GUK1: variants seen among roughly 807,000 people sequenced by gnomAD.
GUK1 encodes guanylate kinase.
GUK1 carries 18 observed loss-of-function variants against 25.2 expected under a neutral mutation model. The ratio of observed to expected loss-of-function variants is 0.71; its 90% CI spans 0.49 to 1.06. GUK1 has a LOEUF of 1.06. Among genes scored for constraint, GUK1 ranks in the 50% least tolerant of loss-of-function variants. The probability of loss-of-function intolerance (pLI) is 0.00; values close to 1 mark genes in which losing one functional copy is unlikely to be tolerated. For synonymous variants in GUK1, 105 were observed against 117.6 expected (o/e 0.89, Z 0.69); for missense variants, 261 against 276.7 (o/e 0.94, Z 0.40).
At chr1:228,147,325 C>A in intron 5 of GUK1, 81 bp from the exon 5 acceptor site, 1 of 1,382,490 alleles carries the variant, frequency 7.2e-7, no homozygotes, top group Non-Finnish European at 9.9e-7. Flanking sequence ...ACGCTGGGCC[C>A]GGGAGGGCCT....
rs373131691 is a variant in GUK1, at chr1:228,146,074, G to C, written c.154+7G>C. 2.1e-5 allele frequency: 33 copies of C among 1,602,344 alleles called. No homozygotes were observed. Among genetic ancestry groups the C allele is most frequent in the Non-Finnish European group, 2.7e-5 (32 of 1,169,666 alleles). On this transcript the variant is annotated splice_region_variant and intron_variant, in intron 4 of 8. Coordinates refer to ENST00000312726, the MANE Select transcript of GUK1 (RefSeq NM_000858.7). ...GGCGAGGAGAACGGCAAAGGTGAGT[G>C]GGGTGGGGCCCTATGGCTGGAGCAC...
intron 1 of GUK1, 150 bp downstream of exon 1, chr1:228,140,513 G>C: frequency 3.1e-6 from 2 of 646,658 alleles, no homozygotes. Flanking sequence ...TGAGAACGGG[G>C]GAGCTCTGGA....
In GUK1 at chr1:228,146,929, A is replaced by T. The variant is rs1172468423; in HGVS notation, c.242A>T (p.Tyr81Phe). ...CATGCCGAGTTCTCGGGGAACCTGT[A>T]TGGCACGAGGTGGGCCATGCGTGGG... The change falls in exon 5 of 9, where the codon TAT (tyrosine) becomes TTT (phenylalanine). Residue 81 changes from tyrosine (Y) to phenylalanine (F), a missense_variant. Coordinates refer to ENST00000312726, the MANE Select transcript of GUK1 (RefSeq NM_000858.7). The T allele has an allele frequency of 1.9e-6, 3 of 1,611,968 alleles. No homozygotes were observed. Among genetic ancestry groups the T allele is most frequent in the African/African-American group, 1.3e-5 (1 of 74,878 alleles).
chr1:228,141,325 GT>G (rs1379106178), intron 2 of GUK1: 3 of 945,706 alleles, frequency 3.2e-6, no homozygotes, highest in Admixed American at 6.2e-5. Flanking sequence ...GGGAAAGAAA[GT>G]GAAAATGAAA....
At chr1:228,147,572 G>T (rs1399326176) in intron 6 of GUK1, 28 bp downstream of exon 5, 44 of 1,612,872 alleles carry the variant, frequency 2.7e-5, no homozygotes, top group Non-Finnish European at 3.7e-5. Context: ...TTGGGGGCTG[G>T]GGGCCAGGGC....
intron 2 of GUK1, 57 bp from the exon 2 acceptor site, chr1:228,145,454 C>A: frequency 6.6e-7 from 1 of 1,504,814 alleles, no homozygotes. Flanking sequence ...AGAGGCAGCT[C>A]AGCAGATGGG....
chr1:228,144,851 T>C (rs2034281612), intron 2 of GUK1: 1 of 404,742 alleles, frequency 2.5e-6, no homozygotes, highest in South Asian at 1.0e-4. Flanking sequence ...TGCCTTTCCC[T>C]TGGGGGCTGG....
In GUK1 at chr1:228,140,402, C is replaced by G. The variant is rs912405709; in HGVS notation, c.-168+39C>G. On this transcript the variant is annotated intron_variant, in intron 1 of 8. Transcript: ENST00000312726. ...GCGCGATCGCGAGGGTGACTCGGGT[C>G]GAGGCGGCAGCGGTCCCTGCGCTTT... is the stretch of plus-strand genomic sequence containing the variant. 5.6e-6 allele frequency: 8 copies of G among 1,423,824 alleles called. No individual in the cohort carries two copies. In the African/African-American group the frequency reaches 1.0e-4, roughly 19 times the overall value. 88.2% of individuals were successfully genotyped at this position (1,423,824 alleles called of 1,614,324 possible).
Position 228,147,628 on chromosome 1 carries a change from G to A in GUK1, c.404G>A (p.Arg135Gln), listed in dbSNP as rs371223537. 55 of 1,612,902 alleles carry A rather than the reference G, an allele frequency of 3.4e-5. No homozygotes were observed. The highest frequency in any genetic ancestry group is 4.2e-5 in the Non-Finnish European group (50 of 1,179,964). Reference sequence around the variant, plus strand: ...CCCCCTTTTTAGGAGCAGCGGCTGCGGCAGCGCAACACTGAAACCGAGGAG... The same window carrying A: ...CCCCCTTTTTAGGAGCAGCGGCTGCAGCAGCGCAACACTGAAACCGAGGAG... The change falls in exon 7 of 9, where the codon CGG becomes CAG. Residue 135 changes from arginine (R) to glutamine (Q), a missense_variant. Physicochemically the swap from Arg to Gln is conservative, Grantham distance 43. Transcript: ENST00000312726.
chr1:228,141,904 T>C, intron 2 of GUK1: 1 of 556,962 alleles, frequency 1.8e-6, no homozygotes, highest in Non-Finnish European at 2.5e-6. Context: ...TTGGTGAGAG[T>C]GGAGAGCACA....
intron 2 of GUK1, chr1:228,145,284 C>T: frequency 2.6e-6 from 1 of 384,168 alleles, no homozygotes; most frequent in Non-Finnish European, 4.7e-6. Context: ...TTCCATTCGT[C>T]TCCCGTGTGC....
Position 228,140,322 on chromosome 1 carries a change from C to A in GUK1, c.-209C>A, listed in dbSNP as rs956279669. Reference sequence around the variant, plus strand: ...CCCCGGATGCTGCGGCGCCCGCTGGCCGGGCTGGCTGCGGCCGCCCTGGGC... The same window carrying A: ...CCCCGGATGCTGCGGCGCCCGCTGGACGGGCTGGCTGCGGCCGCCCTGGGC... On this transcript the variant is annotated 5_prime_UTR_variant, in exon 1 of 9. Transcript: ENST00000312726. 4.6e-6 allele frequency: 7 copies of A among 1,529,216 alleles called. No individual in the cohort carries two copies. The highest frequency in any genetic ancestry group is 6.1e-6 in the Non-Finnish European group (7 of 1,144,400). The allele number at this position is 1,529,216 out of a possible 1,614,324, so 94.7% of individuals were successfully genotyped here. A position where few individuals can be genotyped will look rare whatever the true frequency, so the allele number is the denominator to read the frequency against.
rs756787820 is a variant in GUK1, at chr1:228,147,394, A to G, written c.252-12A>G. On this transcript the variant is annotated splice_polypyrimidine_tract_variant and intron_variant, in intron 5 of 8. Transcript: ENST00000312726. Reference sequence around the variant, plus strand: ...GCCCTGGCACCCCTGCTGACCTGGCACCTCTCCCCAGCAAGGTGGCGGTGC... The same window carrying G: ...GCCCTGGCACCCCTGCTGACCTGGCGCCTCTCCCCAGCAAGGTGGCGGTGC... 8 of 1,606,638 alleles carry G rather than the reference A, an allele frequency of 5.0e-6. 1 individual carries two copies. Among genetic ancestry groups the G allele is most frequent in the Non-Finnish European group, 6.8e-6 (8 of 1,177,518 alleles).
At chr1:228,140,743 G>T (rs904565907) in intron 1 of GUK1, among the ~76,000 whole-genome samples, 1 of 152,252 alleles carries the variant, frequency 6.6e-6, no homozygotes, top group Non-Finnish European at 1.5e-5. Context: ...ACCTCACCCT[G>T]CAAGCCTTGG....
At chr1:228,147,921 C>T (rs1185515504) in intron 7 of GUK1, among the ~76,000 whole-genome samples, 4 of 152,094 alleles carry the variant, frequency 2.6e-5, no homozygotes, top group Non-Finnish European at 5.9e-5. Context: ...TCAGATTTCC[C>T]TCTGTTACCC....
At chr1:228,148,637 C>T (rs2034541642) in intron 8 of GUK1, 28 bp from the exon 8 acceptor site, 3 of 1,580,048 alleles carry the variant, frequency 1.9e-6, no homozygotes, top group South Asian at 1.1e-5. Context: ...TACCAGCCCT[C>T]CCAACTCCCT....
In GUK1 at chr1:228,147,625, T is replaced by C; in HGVS notation, c.401T>C (p.Leu134Pro). 15 of 1,612,996 alleles carry C rather than the reference T, an allele frequency of 9.3e-6. No individual in the cohort carries two copies. Among genetic ancestry groups the C allele is most frequent in the Non-Finnish European group, 1.2e-5 (14 of 1,179,936 alleles). ...CCACCCCCTTTTTAGGAGCAGCGGC[T>C]GCGGCAGCGCAACACTGAAACCGAG... is the stretch of plus-strand genomic sequence containing the variant. Residue 134 changes from leucine to proline, a missense_variant, in exon 7 of 9, where the codon CTG becomes CCG. Leu to Pro is a moderately conservative substitution (Grantham distance 98). Transcript: ENST00000312726.
In GUK1 at chr1:228,146,944, C is replaced by G. The variant is rs2124949129; in HGVS notation, c.251+6C>G. On this transcript the variant is annotated splice_donor_region_variant and intron_variant, in intron 5 of 8. Transcript: ENST00000312726. Reference sequence around the variant, plus strand: ...GGGAACCTGTATGGCACGAGGTGGGCCATGCGTGGGTGTGGGTGGGCTCCC... The same window carrying G: ...GGGAACCTGTATGGCACGAGGTGGGGCATGCGTGGGTGTGGGTGGGCTCCC... 1.3e-6 allele frequency: 2 copies of G among 1,599,218 alleles called. No homozygotes were observed. The highest frequency in any genetic ancestry group is 4.5e-5 in the East Asian group (2 of 44,782).
Sources: gnomAD v4.1 joint callset for allele counts (sites outside exome capture counted in the v4.1 genomes callset) on GRCh38, gnomAD v4.1.1 for gene constraint, MANE v1.5 for transcripts, NCBI Gene and HGNC (gene_info 2026-07-23, HGNC 2026-07-21) for gene names.